CNTN3: variants seen among roughly 807,000 people sequenced by gnomAD.
The protein encoded by CNTN3 is contactin 3.
CNTN3 carries 60 observed loss-of-function variants against 119.1 expected under a neutral mutation model. The ratio of observed to expected loss-of-function variants is 0.50; its 90% confidence interval spans 0.41 to 0.62. CNTN3 has a LOEUF of 0.62. Among genes scored for constraint, CNTN3 ranks in the 20% least tolerant of loss-of-function variants. The pLI, the probability that CNTN3 is intolerant of heterozygous loss-of-function variation, is 0.00. For synonymous variants in CNTN3, 450 were observed against 438.7 expected (o/e 1.03, Z -0.32); for missense variants, 1,101 against 1,242.4 (o/e 0.89, Z 1.71).
chr3:74,276,239 A>G (rs911488132), intron 20 of CNTN3, among the ~76,000 whole-genome samples: 2 of 152,174 alleles, frequency 1.3e-5, no homozygotes, highest in Non-Finnish European at 2.9e-5. Context: ...ATCAAGACAT[A>G]AAGTTAACAA....
chr3:74,293,675 A>C (rs1368778239), intron 19 of CNTN3, among the ~76,000 whole-genome samples: 1 of 151,898 alleles, frequency 6.6e-6, no homozygotes, highest in South Asian at 2.1e-4. Context: ...GGGTCTCACT[A>C]AGTTGCCCAG....
At chr3:74,314,428 T>G (rs1201185437) in intron 13 of CNTN3, among the ~76,000 whole-genome samples, 1 of 152,134 alleles carries the variant, frequency 6.6e-6, no homozygotes, top group Non-Finnish European at 1.5e-5. Context: ...ATGTTATATA[T>G]GAAGACACAC....
intron 16 of CNTN3, among the ~76,000 whole-genome samples, chr3:74,300,551 T>C (rs1428403839): frequency 2.0e-5 from 3 of 152,148 alleles, no homozygotes; most frequent in African/African-American, 7.2e-5. Flanking sequence ...CCCTAAAATA[T>C]GTGTTGTGTG....
chr3:74,394,543 A>T (rs1349366321), intron 5 of CNTN3, among the ~76,000 whole-genome samples: 1 of 152,160 alleles, frequency 6.6e-6, no homozygotes, highest in African/African-American at 2.4e-5. Flanking sequence ...TATGAAGATG[A>T]TCATTGTTAT....
At chr3:74,574,434 C>T (rs7615608) in intron 1 of CNTN3, among the ~76,000 whole-genome samples, 348 of 152,178 alleles carry the variant, frequency 2.3e-3, no homozygotes, top group African/African-American at 8.1e-3. Context: ...AATGGTGACT[C>T]GTAGGGTATA....
chr3:74,492,276 G>C (rs1042532901), intron 3 of CNTN3, among the ~76,000 whole-genome samples: 1 of 152,118 alleles, frequency 6.6e-6, no homozygotes, highest in Admixed American at 6.6e-5. Context: ...AAGGTTCTAT[G>C]TGAACTTGTG....
intron 20 of CNTN3, among the ~76,000 whole-genome samples, chr3:74,280,775 C>A (rs545725645): frequency 6.6e-6 from 1 of 152,154 alleles, no homozygotes; most frequent in African/African-American, 2.4e-5. Flanking sequence ...GCTGACACTC[C>A]GGCTAAGGCA....
At chr3:74,264,534 G>T in intron 22 of CNTN3, 33 bp from the exon 23 acceptor site, 2 of 1,398,938 alleles carry the variant, frequency 1.4e-6, no homozygotes, top group African/African-American at 1.4e-5. Context: ...CATTAATAAG[G>T]ATTGTACCAA....
At chr3:74,343,713 A>G (rs1703604959) in intron 11 of CNTN3, among the ~76,000 whole-genome samples, 2 of 152,224 alleles carry the variant, frequency 1.3e-5, no homozygotes, top group African/African-American at 4.8e-5. Flanking sequence ...GGCTAGACAT[A>G]TAAGTTGGTA....
Position 74,462,175 on chromosome 3 carries a change from C to T in CNTN3, c.358+24281G>A, listed in dbSNP as rs201635890. 2.4e-4 allele frequency among the ~76,000 whole-genome samples: 37 copies of T among 152,090 alleles called. No individual in the cohort carries two copies. In the East Asian group the frequency reaches 5.6e-3, roughly 23 times the overall value. Reference sequence around the variant, plus strand: ...ATGTGCCTGTTTCCCCTTCACTTTCCGCCATGATTGTAAGTTTCCTGAGGC... The same window carrying T: ...ATGTGCCTGTTTCCCCTTCACTTTCTGCCATGATTGTAAGTTTCCTGAGGC... On this transcript the variant is annotated intron_variant, in intron 4 of 22. Coordinates refer to ENST00000263665, the MANE Select transcript of CNTN3 (RefSeq NM_020872.3).
intron 3 of CNTN3, among the ~76,000 whole-genome samples, chr3:74,495,261 C>A (rs991362279): frequency 2.0e-5 from 3 of 151,894 alleles, no homozygotes; most frequent in Non-Finnish European, 4.4e-5. Flanking sequence ...AACAATAACT[C>A]GTCTTGACAC....
intron 13 of CNTN3, among the ~76,000 whole-genome samples, chr3:74,327,245 C>G (rs1254141466): frequency 1.3e-5 from 2 of 151,652 alleles, no homozygotes; most frequent in Non-Finnish European, 2.9e-5. Context: ...TGTCCTGGCT[C>G]AGCCTCTCGA....
At chr3:74,514,706 T>C (rs189887176) in intron 2 of CNTN3, among the ~76,000 whole-genome samples, 117 of 152,272 alleles carry the variant, frequency 7.7e-4, no homozygotes, top group African/African-American at 2.5e-3. Flanking sequence ...TAATTTTAAA[T>C]GCAAAATATC....
chr3:74,507,626 CTTTTTTTTTT>C (rs59540461), intron 2 of CNTN3, among the ~76,000 whole-genome samples: 2 of 103,650 alleles, frequency 1.9e-5, no homozygotes, highest in Admixed American at 1.1e-4. Context: ...TTCTTTCTTT[CTTTTTTTTTT>C]TTTTTTTTTT....
chr3:74,588,008 T>G (rs1411141022), intron 1 of CNTN3, among the ~76,000 whole-genome samples: 1 of 151,874 alleles, frequency 6.6e-6, no homozygotes, highest in South Asian at 2.1e-4. Context: ...GCATGAAGGT[T>G]GTTGAATTTT....
intron 1 of CNTN3, among the ~76,000 whole-genome samples, chr3:74,585,613 A>C (rs1006833173): frequency 2.6e-5 from 4 of 152,180 alleles, no homozygotes; most frequent in Non-Finnish European, 4.4e-5. Context: ...GTAGGACCAA[A>C]TACCAAAAAG....
chr3:74,470,570 G>T lies in CNTN3; in HGVS notation c.358+15886C>A, dbSNP rs539947706. Among the ~76,000 whole-genome samples, 17 of 152,202 alleles carry T rather than the reference G, an allele frequency of 1.1e-4. No homozygotes were observed. In the East Asian group the frequency reaches 3.1e-3, roughly 28 times the overall value. ...TAAGTGAAGAAAAAAGCCTTGGGTG[G>T]ATTTCATCCAGGAGCATTTGGGCAG... On this transcript the variant is annotated intron_variant, in intron 4 of 22. Coordinates refer to ENST00000263665, the MANE Select transcript of CNTN3 (RefSeq NM_020872.3).
intron 5 of CNTN3, 52 bp from the exon 6 acceptor site, chr3:74,371,451 C>T (rs1294876885): frequency 7.5e-7 from 1 of 1,334,394 alleles, no homozygotes; most frequent in Admixed American, 1.7e-5. Context: ...GGACAGTTTT[C>T]CATTGTGTCC....
At chr3:74,422,347 G>A (rs559863169) in intron 5 of CNTN3, among the ~76,000 whole-genome samples, 7 of 152,270 alleles carry the variant, frequency 4.6e-5, no homozygotes, top group African/African-American at 1.7e-4. Context: ...GTTCATGTCT[G>A]ACATCTGGGA....
Sources: gnomAD v4.1 joint callset for allele counts (sites outside exome capture counted in the v4.1 genomes callset) on GRCh38, gnomAD v4.1.1 for gene constraint, MANE v1.5 for transcripts, NCBI Gene and HGNC (gene_info 2026-07-23, HGNC 2026-07-21) for gene names.